The following NAV2 variants were observed in gnomAD, a reference collection of about 807,000 sequenced individuals.
NAV2 encodes the protein neuron navigator 2.
NAV2 carries 54 observed loss-of-function variants against 223.2 expected under a neutral mutation model. That is an observed-to-expected ratio of 0.24 (90% CI 0.19 to 0.30). The LOEUF is 0.30. Ranked by LOEUF, NAV2 falls within the 10% of genes least tolerant of loss-of-function variation. The pLI is 1.00. For missense variants in NAV2, 2,806 were observed against 3,147.5 expected, an observed-to-expected ratio of 0.89 and a Z score of 2.60; for synonymous variants, 1,279 against 1,239.3, an observed-to-expected ratio of 1.03 and a Z score of -0.67.
At position 20,084,166 on chromosome 11, in the gene NAV2, C is replaced by T. The variant is rs369279089; in HGVS notation, c.5498+987C>T. Among the ~76,000 whole-genome samples the T allele has an allele frequency of 2.6e-4, 40 of 152,338 alleles. No homozygotes were observed. In the South Asian group the frequency reaches 7.7e-3, roughly 29 times the overall value. On this transcript the variant is annotated intron_variant, in intron 26 of 37. Coordinates refer to ENST00000349880, the MANE Select transcript of NAV2 (RefSeq NM_145117.5). ...AGGCTGGAGTGCAGAGGCATGATCTCGGCTCACTGCAACTTCTGCTGCCCA... is the reference window on the plus strand; with the variant it reads ...AGGCTGGAGTGCAGAGGCATGATCTTGGCTCACTGCAACTTCTGCTGCCCA...
intron 1 of NAV2, among the ~76,000 whole-genome samples, chr11:19,526,464 C>A (rs78545290): frequency 6.6e-6 from 1 of 151,890 alleles, no homozygotes; most frequent in East Asian, 1.9e-4. Context: ...TCAGAGTCAG[C>A]CTTGTCTCGG....
At chr11:20,017,667 G>T (rs2054128246) in intron 11 of NAV2, among the ~76,000 whole-genome samples, 1 of 152,130 alleles carries the variant, frequency 6.6e-6, no homozygotes, top group Admixed American at 6.6e-5. Context: ...CAAAGGTTTT[G>T]CATTGACTAT....
chr11:19,355,705 T>G (rs1039509300), intron 1 of NAV2, among the ~76,000 whole-genome samples: 1 of 152,164 alleles, frequency 6.6e-6, no homozygotes, highest in Non-Finnish European at 1.5e-5. Flanking sequence ...CTCCCTTGTT[T>G]CCATTTCTCT....
chr11:19,361,907 G>T (rs1163194716), intron 1 of NAV2, among the ~76,000 whole-genome samples: 1 of 152,162 alleles, frequency 6.6e-6, no homozygotes, highest in African/African-American at 2.4e-5. Context: ...ACCTGCTGGA[G>T]CTGGGTTAAG....
At chr11:20,088,292 C>A (rs1425814449) in intron 26 of NAV2, among the ~76,000 whole-genome samples, 2 of 152,178 alleles carry the variant, frequency 1.3e-5, no homozygotes, top group Non-Finnish European at 2.9e-5. Context: ...ATTCTCCTGC[C>A]TCAGCCTCCT....
intron 1 of NAV2, among the ~76,000 whole-genome samples, chr11:19,525,506 T>G (rs1468613954): frequency 6.6e-6 from 1 of 152,200 alleles, no homozygotes; most frequent in East Asian, 1.9e-4. Context: ...CCACGCATCT[T>G]CTTTACGAAG....
intron 1 of NAV2, among the ~76,000 whole-genome samples, chr11:19,520,537 A>G (rs2043615602): frequency 6.6e-6 from 1 of 152,058 alleles, no homozygotes; most frequent in South Asian, 2.1e-4. Context: ...CCTGCTTTCC[A>G]TTCAGTGACA....
At chr11:19,776,628 GA>G (rs1410603869) in intron 1 of NAV2, among the ~76,000 whole-genome samples, 5 of 138,072 alleles carry the variant, frequency 3.6e-5, no homozygotes, top group African/African-American at 1.4e-4. Flanking sequence ...GTGGGGGTCA[GA>G]AAATGTGTGT....
At chr11:19,821,798 C>T (rs577235327) in intron 1 of NAV2, among the ~76,000 whole-genome samples, 2 of 152,338 alleles carry the variant, frequency 1.3e-5, no homozygotes, top group East Asian at 3.9e-4. Flanking sequence ...AGGGGAAACA[C>T]TGTGATGGGT....
chr11:19,602,173 CTTT>C (rs1204696986), intron 1 of NAV2, among the ~76,000 whole-genome samples: 2 of 116,250 alleles, frequency 1.7e-5, no homozygotes. Context: ...CTCTACAAGT[CTTT>C]TTTTTTTTTT....
intron 1 of NAV2, among the ~76,000 whole-genome samples, chr11:19,562,918 T>C (rs1377170311): frequency 6.6e-6 from 1 of 152,098 alleles, no homozygotes; most frequent in Non-Finnish European, 1.5e-5. Context: ...ATCTCATGAG[T>C]TTTCTCTGGG....
intron 1 of NAV2, among the ~76,000 whole-genome samples, chr11:19,432,263 A>G (rs1851065303): frequency 1.3e-5 from 2 of 151,780 alleles, no homozygotes; most frequent in Non-Finnish European, 2.9e-5. Context: ...GAAAACCCAG[A>G]ATCCTTCTGT....
chr11:19,416,333 C>T (rs1226934213), intron 1 of NAV2, among the ~76,000 whole-genome samples: 1 of 152,176 alleles, frequency 6.6e-6, no homozygotes, highest in Non-Finnish European at 1.5e-5. Flanking sequence ...CATGAGTGAA[C>T]TCCCATTCAC....
At chr11:19,951,617 T>C (rs2047404529) in intron 10 of NAV2, among the ~76,000 whole-genome samples, 1 of 152,142 alleles carries the variant, frequency 6.6e-6, no homozygotes, top group Non-Finnish European at 1.5e-5. Context: ...CTTTCAATTC[T>C]AAAAAGATGG....
intron 1 of NAV2, among the ~76,000 whole-genome samples, chr11:19,741,732 A>T (rs2052846511): frequency 7.6e-6 from 1 of 131,456 alleles, no homozygotes; most frequent in African/African-American, 3.0e-5. Context: ...TATATATCAC[A>T]ATTTATTTAT....
chr11:19,681,861 G>A (rs1225566002), intron 1 of NAV2, among the ~76,000 whole-genome samples: 1 of 152,216 alleles, frequency 6.6e-6, no homozygotes, highest in Non-Finnish European at 1.5e-5. Flanking sequence ...TACGTGTCAG[G>A]TGTCTGGCAG....
At chr11:19,438,649 G>A (rs4757810) in intron 1 of NAV2, among the ~76,000 whole-genome samples, 45,615 of 152,044 alleles carry the variant, frequency 0.3, 7,373 homozygotes, top group Middle Eastern at 0.37. Flanking sequence ...CCTTCCTTGG[G>A]TTTGATAATT....
chr11:19,453,759 C>G (rs575116605), intron 1 of NAV2, among the ~76,000 whole-genome samples: 1 of 152,188 alleles, frequency 6.6e-6, no homozygotes, highest in Non-Finnish European at 1.5e-5. Flanking sequence ...CTAAACCCTT[C>G]GCTGATAAAT....
intron 1 of NAV2, among the ~76,000 whole-genome samples, chr11:19,647,650 A>G (rs1470130317): frequency 1.3e-5 from 2 of 152,028 alleles, no homozygotes; most frequent in Non-Finnish European, 2.9e-5. Flanking sequence ...GGACACCCAT[A>G]CCTTGCTGTG....
Sources: allele counts gnomAD v4.1 joint callset (sites outside exome capture counted in the v4.1 genomes callset), GRCh38; gene constraint gnomAD v4.1.1; transcripts MANE v1.5; gene names NCBI Gene and HGNC (gene_info 2026-07-23, HGNC 2026-07-21).